The following RAPGEF2 variants were observed in gnomAD, a reference collection of about 807,000 sequenced individuals.
RAPGEF2 encodes the protein PDZ domain containing guanine nucleotide exchange factor (GEF) 1.
Under a neutral mutation model 186.7 loss-of-function variants are expected in RAPGEF2, and 54 were observed. The ratio of observed to expected loss-of-function variants is 0.29; its 90% CI spans 0.23 to 0.36. RAPGEF2 has a LOEUF of 0.36. RAPGEF2 is among the 10% of genes least tolerant of loss of function. The pLI is 1.00. For missense variants in RAPGEF2, 1,532 were observed against 2,045.0 expected, an observed-to-expected ratio of 0.75 and a Z score of 4.84; for synonymous variants, 712 against 705.9, an observed-to-expected ratio of 1.01 and a Z score of -0.14.
chr4:159,131,773 CAA>C (rs1491485280), intron 1 of RAPGEF2, among the ~76,000 whole-genome samples: 2 of 151,270 alleles, frequency 1.3e-5, no homozygotes, highest in Non-Finnish European at 2.9e-5. Context: ...TTGTCAGAAA[CAA>C]AGACTTGGCA....
At chr4:159,220,169 A>G (rs1751397276) in intron 4 of RAPGEF2, among the ~76,000 whole-genome samples, 1 of 152,222 alleles carries the variant, frequency 6.6e-6, no homozygotes, top group African/African-American at 2.4e-5. Context: ...AAATTTCATC[A>G]TATCAAAAAA....
intron 5 of RAPGEF2, among the ~76,000 whole-genome samples, chr4:159,240,677 A>G (rs1484774182): frequency 6.6e-6 from 1 of 152,142 alleles, no homozygotes; most frequent in Non-Finnish European, 1.5e-5. Flanking sequence ...AACACTATTT[A>G]TAAAAAAAGA....
chr4:159,252,149 T>C (rs1755522647), intron 7 of RAPGEF2, among the ~76,000 whole-genome samples: 1 of 152,150 alleles, frequency 6.6e-6, no homozygotes, highest in Non-Finnish European at 1.5e-5. Flanking sequence ...ACAACTCCAC[T>C]TTTCAGGCTT....
intron 3 of RAPGEF2, among the ~76,000 whole-genome samples, chr4:159,209,191 CAAAAAA>C (rs146288884): frequency 9.6e-6 from 1 of 103,718 alleles, no homozygotes. Context: ...CATGCCCAGC[CAAAAAA>C]AAAAAAAAAA....
intron 4 of RAPGEF2, among the ~76,000 whole-genome samples, chr4:159,238,568 A>G (rs1753578239): frequency 6.6e-6 from 1 of 152,204 alleles, no homozygotes. Flanking sequence ...CTTTACTTAC[A>G]TTATTAATTT....
intron 7 of RAPGEF2, among the ~76,000 whole-genome samples, chr4:159,251,325 C>T (rs909284779): frequency 6.6e-6 from 1 of 152,250 alleles, no homozygotes; most frequent in African/African-American, 2.4e-5. Flanking sequence ...CAGTGTGGGA[C>T]TGGTGGGGAG....
At chr4:159,182,521 A>G (rs1025149692) in intron 1 of RAPGEF2, among the ~76,000 whole-genome samples, 1 of 149,434 alleles carries the variant, frequency 6.7e-6, no homozygotes, top group African/African-American at 2.5e-5. Context: ...TTAGCCTCCC[A>G]AGTAGCTGGG....
At chr4:159,218,379 G>A (rs535467936) in intron 4 of RAPGEF2, among the ~76,000 whole-genome samples, 3 of 152,320 alleles carry the variant, frequency 2.0e-5, no homozygotes, top group South Asian at 2.1e-4. Flanking sequence ...TCCTCCTACC[G>A]TGGGAAAATA....
intron 1 of RAPGEF2, among the ~76,000 whole-genome samples, chr4:159,156,287 T>C (rs920298589): frequency 6.6e-6 from 1 of 152,226 alleles, no homozygotes; most frequent in Admixed American, 6.5e-5. Flanking sequence ...TGAAATTGTT[T>C]TATATATTTT....
At chr4:159,185,740 G>A (rs1219482100) in intron 1 of RAPGEF2, among the ~76,000 whole-genome samples, 1 of 152,012 alleles carries the variant, frequency 6.6e-6, no homozygotes, top group Non-Finnish European at 1.5e-5. Flanking sequence ...TCTGAAATTA[G>A]TGAGATAGAT....
chr4:159,282,518 C>T, intron 7 of RAPGEF2: 3 of 342,616 alleles, frequency 8.8e-6, no homozygotes, highest in South Asian at 6.9e-5. Flanking sequence ...AGCAATCTGA[C>T]GTCTTTAGAG....
intron 1 of RAPGEF2, among the ~76,000 whole-genome samples, chr4:159,116,865 C>CACTG (rs1433227917): frequency 2.0e-5 from 3 of 152,114 alleles, no homozygotes; most frequent in Non-Finnish European, 4.4e-5. Flanking sequence ...AACACATGGA[C>CACTG]ACTGGGGCCT....
chr4:159,342,172 G>C (rs1406071319), intron 20 of RAPGEF2, among the ~76,000 whole-genome samples: 1 of 152,070 alleles, frequency 6.6e-6, no homozygotes, highest in African/African-American at 2.4e-5. Context: ...CATTAAGCAG[G>C]AAACATTTTG....
intron 4 of RAPGEF2, among the ~76,000 whole-genome samples, chr4:159,211,230 G>A (rs1370326567): frequency 6.6e-6 from 1 of 152,142 alleles, no homozygotes; most frequent in East Asian, 1.9e-4. Context: ...GCCTGGGTTG[G>A]GGCGGATGTA....
At chr4:159,183,579 G>A (rs1051956350) in intron 1 of RAPGEF2, among the ~76,000 whole-genome samples, 32 of 152,108 alleles carry the variant, frequency 2.1e-4, no homozygotes, top group African/African-American at 7.5e-4. Flanking sequence ...TTAATATTTT[G>A]TGCTTCAAAG....
chr4:159,161,458 A>C (rs138009094), intron 1 of RAPGEF2, among the ~76,000 whole-genome samples: 1,607 of 152,348 alleles, frequency 0.011, 36 homozygotes, highest in African/African-American at 0.037. Flanking sequence ...TAATCCCAGC[A>C]CTTTGGGAGG....
chr4:159,251,389 G>T (rs1336380012), intron 7 of RAPGEF2, among the ~76,000 whole-genome samples: 1 of 152,266 alleles, frequency 6.6e-6, no homozygotes, highest in Non-Finnish European at 1.5e-5. Context: ...CTGGGCTCCT[G>T]AGTAGAGTGG....
intron 7 of RAPGEF2, among the ~76,000 whole-genome samples, chr4:159,251,058 G>C (rs920648466): frequency 6.6e-6 from 1 of 152,240 alleles, no homozygotes; most frequent in East Asian, 1.9e-4. Context: ...GAGGGGCTTA[G>C]CACCTGGGTG....
intron 9 of RAPGEF2, among the ~76,000 whole-genome samples, chr4:159,318,411 G>A (rs1316118736): frequency 6.6e-6 from 1 of 152,036 alleles, no homozygotes; most frequent in Non-Finnish European, 1.5e-5. Context: ...CCTACCCAAC[G>A]TCCTCTTCCC....
Sources: gnomAD v4.1 joint callset for allele counts (sites outside exome capture counted in the v4.1 genomes callset) on GRCh38, gnomAD v4.1.1 for gene constraint, MANE v1.5 for transcripts, NCBI Gene and HGNC (gene_info 2026-07-23, HGNC 2026-07-21) for gene names.